The following UNC13C variants were observed in gnomAD, a reference collection of about 807,000 sequenced individuals.
UNC13C encodes protein unc-13 homolog C.
UNC13C carries 174 observed loss-of-function variants against 245.4 expected under a neutral mutation model. The observed-to-expected ratio is 0.71, with a 90% confidence interval of 0.63 to 0.80. The LOEUF is 0.80. UNC13C is among the 30% of genes least tolerant of loss of function. The pLI is 0.00. For synonymous variants in UNC13C, 992 were observed against 895.1 expected (o/e 1.11, Z -1.93); for missense variants, 2,829 against 2,602.9 (o/e 1.09, Z -1.89).
chr15:54,428,990 A>G (rs7168137), intron 19 of UNC13C, among the ~76,000 whole-genome samples: 46,120 of 151,514 alleles, frequency 0.3, 7,533 homozygotes, highest in East Asian at 0.54. Context: ...ATATTGTATA[A>G]TTCCTTAAAG....
chr15:54,327,456 T>C (rs907166495), intron 14 of UNC13C, among the ~76,000 whole-genome samples: 1 of 152,080 alleles, frequency 6.6e-6, no homozygotes, highest in Non-Finnish European at 1.5e-5. Context: ...TTTATTTCAC[T>C]TTCACAATGC....
chr15:54,384,037 T>G (rs1240851781), intron 17 of UNC13C, among the ~76,000 whole-genome samples: 1 of 152,156 alleles, frequency 6.6e-6, no homozygotes, highest in East Asian at 1.9e-4. Context: ...AGACATTACT[T>G]GTTCATGAAT....
chr15:54,171,722 C>T (rs771314910), intron 4 of UNC13C, among the ~76,000 whole-genome samples: 29 of 151,954 alleles, frequency 1.9e-4, no homozygotes, highest in Non-Finnish European at 3.1e-4. Flanking sequence ...AGAAATAGAG[C>T]CACCGTATGA....
chr15:54,038,197 C>T (rs1416453910), intron 2 of UNC13C, among the ~76,000 whole-genome samples: 2 of 138,064 alleles, frequency 1.4e-5, no homozygotes, highest in African/African-American at 5.4e-5. Flanking sequence ...CCTTGGCTTA[C>T]TGCAACCTCC....
chr15:54,212,564 G>A (rs1016769343), intron 4 of UNC13C, among the ~76,000 whole-genome samples: 1 of 152,030 alleles, frequency 6.6e-6, no homozygotes, highest in Non-Finnish European at 1.5e-5. Flanking sequence ...GATCTGGGAA[G>A]AATAAACAAA....
intron 2 of UNC13C, among the ~76,000 whole-genome samples, chr15:54,026,841 TGGC>T (rs1375867028): frequency 6.6e-6 from 1 of 152,230 alleles, no homozygotes; most frequent in Non-Finnish European, 1.5e-5. Context: ...TTTAATTTCC[TGGC>T]TGGGCGTCTG....
At chr15:54,351,675 T>A (rs1223006571) in intron 17 of UNC13C, among the ~76,000 whole-genome samples, 4 of 152,144 alleles carry the variant, frequency 2.6e-5, no homozygotes, top group African/African-American at 7.2e-5. Context: ...TGTAGGAATT[T>A]TATCTCTCTT....
intron 2 of UNC13C, among the ~76,000 whole-genome samples, chr15:54,067,474 A>G (rs1007677621): frequency 4.6e-5 from 7 of 152,200 alleles, no homozygotes; most frequent in African/African-American, 1.4e-4. Context: ...AGAATTCATT[A>G]TTTCAGTCAA....
At chr15:54,485,820 C>T (rs567783349) in intron 19 of UNC13C, among the ~76,000 whole-genome samples, 1 of 152,234 alleles carries the variant, frequency 6.6e-6, no homozygotes, top group East Asian at 1.9e-4. Context: ...CTGTATTCTC[C>T]ACCAGGAATG....
chr15:54,114,755 T>C (rs1209050404), intron 2 of UNC13C, among the ~76,000 whole-genome samples: 1 of 152,174 alleles, frequency 6.6e-6, no homozygotes, highest in East Asian at 1.9e-4. Flanking sequence ...ACTTATTAGA[T>C]ATTGCTATTT....
the UNC13C span, among the ~76,000 whole-genome samples, chr15:53,940,156 G>C: frequency 1.3e-5 from 2 of 152,212 alleles, no homozygotes; most frequent in Admixed American, 1.3e-4. Flanking sequence ...ACTTAGATAA[G>C]GGCTTAGAAA....
At chr15:54,127,698 A>AGTGT (rs752697319) in intron 2 of UNC13C, among the ~76,000 whole-genome samples, 3 of 147,584 alleles carry the variant, frequency 2.0e-5, no homozygotes, top group African/African-American at 7.5e-5. Context: ...CAGAACTTCA[A>AGTGT]GTGTGTGTGT....
At chr15:53,974,083 A>G (rs549891359), upstream of UNC13C, among the ~76,000 whole-genome samples, 1 of 152,340 alleles carries the variant, frequency 6.6e-6, no homozygotes, top group African/African-American at 2.4e-5. Flanking sequence ...TCATTACAAT[A>G]TGGGAACCAT....
At chr15:53,875,015 C>A in the UNC13C span, among the ~76,000 whole-genome samples, 1 of 152,022 alleles carries the variant, frequency 6.6e-6, no homozygotes, top group African/African-American at 2.4e-5. Flanking sequence ...ATCGCATGAA[C>A]CCGGGAGGTG....
chr15:53,840,470 G>C, the UNC13C span, among the ~76,000 whole-genome samples: 4 of 151,960 alleles, frequency 2.6e-5, no homozygotes, highest in Non-Finnish European at 4.4e-5. Context: ...TAATAGGAAG[G>C]GGCATGAAAT....
intron 13 of UNC13C, among the ~76,000 whole-genome samples, chr15:54,319,013 G>C (rs908140191): frequency 6.6e-6 from 1 of 151,726 alleles, no homozygotes; most frequent in Non-Finnish European, 1.5e-5. Context: ...AAGTAATATG[G>C]CTGCTTTATG....
At chr15:54,446,703 G>C (rs1197990926) in intron 19 of UNC13C, among the ~76,000 whole-genome samples, 1 of 152,036 alleles carries the variant, frequency 6.6e-6, no homozygotes, top group East Asian at 1.9e-4. Context: ...GAGATAATGG[G>C]GTTTTCTAGA....
the UNC13C span, among the ~76,000 whole-genome samples, chr15:53,905,498 G>A: frequency 5.3e-5 from 8 of 150,914 alleles, no homozygotes; most frequent in Admixed American, 1.3e-4. Context: ...AAGACATTAC[G>A]CCAAATGAGA....
chr15:54,039,667 C>A (rs2141031016), intron 2 of UNC13C, among the ~76,000 whole-genome samples: 1 of 152,190 alleles, frequency 6.6e-6, no homozygotes. Flanking sequence ...GGTCCCATAA[C>A]TTTGAATGCC....
Sources: gnomAD v4.1 joint callset for allele counts (sites outside exome capture counted in the v4.1 genomes callset) on GRCh38, gnomAD v4.1.1 for gene constraint, MANE v1.5 for transcripts, NCBI Gene and HGNC (gene_info 2026-07-23, HGNC 2026-07-21) for gene names.